The following PDS5A variants were observed in gnomAD, a reference collection of about 807,000 sequenced individuals.
The protein encoded by PDS5A is sister chromatid cohesion protein PDS5 homolog A.
PDS5A carries 42 observed loss-of-function variants against 167.1 expected under a neutral mutation model. The observed-to-expected ratio is 0.25, with a 90% CI of 0.20 to 0.33. The LOEUF (loss-of-function observed/expected upper bound fraction) is 0.33. Ranked by LOEUF, PDS5A falls within the 10% of genes least tolerant of loss-of-function variation. PDS5A has a pLI of 1.00. For missense variants in PDS5A, 1,033 were observed against 1,605.9 expected, an observed-to-expected ratio of 0.64 and a Z score of 6.10; for synonymous variants, 553 against 554.6, an observed-to-expected ratio of 1.00 and a Z score of 0.04.
At chr4:39,878,972 G>C (rs1358711726) in intron 18 of PDS5A, among the ~76,000 whole-genome samples, 1 of 152,136 alleles carries the variant, frequency 6.6e-6, no homozygotes, top group African/African-American at 2.4e-5. Flanking sequence ...TCGATCTCTT[G>C]ACCTTGTGAT....
chr4:39,957,646 C>T (rs549801802), intron 2 of PDS5A, among the ~76,000 whole-genome samples: 2 of 151,732 alleles, frequency 1.3e-5, no homozygotes, highest in African/African-American at 4.8e-5. Flanking sequence ...ATTAGCCGGG[C>T]GTGGTGGCGG....
At chr4:39,874,102 T>C (rs983107700) in intron 20 of PDS5A, among the ~76,000 whole-genome samples, 187 bp downstream of exon 20, 2 of 152,094 alleles carry the variant, frequency 1.3e-5, no homozygotes, top group African/African-American at 4.8e-5. Context: ...TTTGAACATA[T>C]AATCTGATCT....
Position 39,898,503 on chromosome 4 carries a change from T to C in PDS5A, c.1656A>G (p.Ala552=). The C allele has an allele frequency of 6.3e-7, 1 of 1,596,432 alleles. No homozygotes were observed. The highest frequency in any genetic ancestry group is 8.5e-7 in the Non-Finnish European group (1 of 1,171,956). The stretch of plus-strand genomic sequence containing the variant: ...GGTTAAATTTCTTCACAAAATCTTG[T>C]GCTTTCCCGGGGTCAGGCAAATTCT... The part of the protein sequence containing the change: ...IAKNLPDPGK[A]QDFVKKFNQV... Residue 552 remains alanine (A), a synonymous_variant, in exon 16 of 33, where the codon GCA becomes GCG. Coordinates refer to ENST00000303538, the MANE Select transcript of PDS5A (RefSeq NM_001100399.2).
At chr4:39,842,191 C>G in intron 30 of PDS5A, 135 bp from the exon 31 acceptor site, 1 of 615,506 alleles carries the variant, frequency 1.6e-6, no homozygotes, top group Non-Finnish European at 2.9e-6. Context: ...GATTCGGATA[C>G]TCTGTAGTTA....
chr4:39,936,257 C>G (rs1726591159), intron 2 of PDS5A, among the ~76,000 whole-genome samples: 1 of 152,098 alleles, frequency 6.6e-6, no homozygotes, highest in Non-Finnish European at 1.5e-5. Context: ...CACCTTAGCG[C>G]AGAACCCCAC....
intron 26 of PDS5A, among the ~76,000 whole-genome samples, chr4:39,856,734 T>A (rs1410118237): frequency 2.6e-5 from 4 of 152,090 alleles, no homozygotes; most frequent in Non-Finnish European, 1.5e-5. Context: ...GAGAATTGCT[T>A]GAACCTGGGA....
intron 16 of PDS5A, among the ~76,000 whole-genome samples, chr4:39,897,014 C>T (rs1722477052): frequency 6.6e-6 from 1 of 151,854 alleles, no homozygotes. Flanking sequence ...ACCCTGAGTT[C>T]TGTTATAATA....
At chr4:39,919,462 G>A (rs1010766430) in intron 7 of PDS5A, among the ~76,000 whole-genome samples, 2 of 152,122 alleles carry the variant, frequency 1.3e-5, no homozygotes, top group African/African-American at 2.4e-5. Flanking sequence ...TGGCTAACAC[G>A]GTGAAACCCT....
At chr4:39,826,744 C>A (rs1271820245) in intron 32 of PDS5A, among the ~76,000 whole-genome samples, 1 of 151,332 alleles carries the variant, frequency 6.6e-6, no homozygotes, top group Non-Finnish European at 1.5e-5. Flanking sequence ...CTCGGCCTCC[C>A]AAAGTGCTGG....
At chr4:39,973,214 T>A (rs1262294167) in intron 2 of PDS5A, 1 of 1,299,544 alleles carries the variant, frequency 7.7e-7, no homozygotes, top group Non-Finnish European at 1.1e-6. Flanking sequence ...GCTAGCTTCA[T>A]GAACCTTAGA....
At chr4:39,886,624 A>C (rs1033954769) in intron 17 of PDS5A, among the ~76,000 whole-genome samples, 1 of 151,938 alleles carries the variant, frequency 6.6e-6, no homozygotes, top group African/African-American at 2.4e-5. Flanking sequence ...GAGGCAGGAG[A>C]ATTGCTCGAA....
chr4:39,896,682 C>T (rs888025622), intron 16 of PDS5A, among the ~76,000 whole-genome samples: 82 of 151,556 alleles, frequency 5.4e-4, no homozygotes, highest in African/African-American at 2.0e-3. Context: ...GAGAGGATCA[C>T]GTGAACCCAG....
intron 30 of PDS5A, among the ~76,000 whole-genome samples, chr4:39,842,897 C>A (rs1717154110): frequency 1.9e-5 from 1 of 53,114 alleles, no homozygotes; most frequent in Non-Finnish European, 3.4e-5. Context: ...ACAATGTAAA[C>A]TTATCCTATT....
rs777287409 is a variant in PDS5A at position 39,954,670 on chromosome 4, TAAAAAAAAAAA to T, written c.138+21759_138+21769del. 1.2e-4 allele frequency among the ~76,000 whole-genome samples: 6 copies of T among 48,282 alleles called. No individual in the cohort carries two copies. In the East Asian group the frequency reaches 4.5e-3, roughly 36 times the overall value. 31.7% of individuals were successfully genotyped at this position (48,282 alleles called of 152,430 possible). ...TAAGTACCCATTGTCAAGAGATAAG[TAAAAAAAAAAA>T]AAAAAAAAAAAAAAAACAGAAACAG... On this transcript the variant is annotated intron_variant, in intron 2 of 32. Coordinates refer to ENST00000303538, the MANE Select transcript of PDS5A (RefSeq NM_001100399.2).
chr4:39,842,707 A>C (rs1717136579), intron 30 of PDS5A, among the ~76,000 whole-genome samples: 1 of 151,822 alleles, frequency 6.6e-6, no homozygotes, highest in Non-Finnish European at 1.5e-5. Flanking sequence ...ATCACTATAC[A>C]TGCTATGCAT....
At chr4:39,878,053 T>C (rs1425884545) in intron 18 of PDS5A, among the ~76,000 whole-genome samples, 1 of 152,192 alleles carries the variant, frequency 6.6e-6, no homozygotes, top group East Asian at 1.9e-4. Flanking sequence ...TAGATACATG[T>C]CTAAAGAGTT....
At chr4:39,929,029 C>G (rs1055107421) in intron 2 of PDS5A, among the ~76,000 whole-genome samples, 8 of 152,074 alleles carry the variant, frequency 5.3e-5, no homozygotes, top group Non-Finnish European at 1.0e-4. Context: ...TTTTTGTGTA[C>G]TTTATGCTGG....
chr4:39,973,104 T>G, intron 2 of PDS5A: 3 of 771,540 alleles, frequency 3.9e-6, no homozygotes, highest in Middle Eastern at 2.3e-4. Flanking sequence ...AGCACAAGTT[T>G]CTTTTCGTGG....
intron 2 of PDS5A, among the ~76,000 whole-genome samples, chr4:39,958,538 ATTACCTAAGCC>A (rs1280968083): frequency 6.6e-6 from 1 of 151,076 alleles, no homozygotes; most frequent in Non-Finnish European, 1.5e-5. Context: ...CGGGTAGGGA[ATTACCTAAGCC>A]TTACCTAACC....
Sources: gnomAD v4.1 joint callset for allele counts (sites outside exome capture counted in the v4.1 genomes callset) on GRCh38, gnomAD v4.1.1 for gene constraint, MANE v1.5 for transcripts, NCBI Gene and HGNC (gene_info 2026-07-23, HGNC 2026-07-21) for gene names.